The following BRCA2 variants were observed in gnomAD, a reference collection of about 807,000 sequenced individuals.
BRCA2 encodes the protein breast cancer type 2 susceptibility protein.
BRCA2 carries 203 observed loss-of-function variants against 276.7 expected under a neutral mutation model. The ratio of observed to expected loss-of-function variants is 0.73; its 90% CI spans 0.65 to 0.82. The LOEUF (loss-of-function observed/expected upper bound fraction) is 0.82. Among genes scored for constraint, BRCA2 ranks in the 40% least tolerant of loss-of-function variants. BRCA2 has a pLI of 0.00. For synonymous variants in BRCA2, 1,289 were observed against 1,338.4 expected (o/e 0.96, Z 0.81); for missense variants, 3,920 against 3,915.0 (o/e 1.00, Z -0.03).
Position 32,398,789 on chromosome 13 carries a change from A to G in BRCA2, c.*19A>G, listed in dbSNP as rs746238367. The G allele has an allele frequency of 1.9e-6, 3 of 1,612,536 alleles. No homozygotes were observed. The highest frequency in any genetic ancestry group is 2.5e-6 in the Non-Finnish European group (3 of 1,179,622). On this transcript the variant is annotated 3_prime_UTR_variant, in exon 27 of 27. Transcript: ENST00000380152. ...TATCTAAGCATTTGCAAAGGCGACA[A>G]TAAATTATTGACGCTTAACCTTTCC...
intron 18 of BRCA2, among the ~76,000 whole-genome samples, chr13:32,368,738 CATT>C (rs1191620281): frequency 2.6e-5 from 4 of 151,604 alleles, no homozygotes; most frequent in Admixed American, 6.6e-5. Context: ...TAGGGAGACT[CATT>C]GTCAGTGTAA....
chr13:32,339,596 C>T lies in BRCA2; in HGVS notation c.5241C>T (p.Asn1747=), dbSNP rs755404033. 1 of 1,610,898 alleles carries T rather than the reference C, an allele frequency of 6.2e-7. No individual in the cohort carries two copies. The highest frequency in any genetic ancestry group is 8.5e-7 in the Non-Finnish European group (1 of 1,177,956). Residue 1747 remains asparagine, a synonymous_variant, in exon 11 of 27, where the codon AAC becomes AAT. Transcript: ENST00000380152. ...DTYLSNSSMS[N]SYSYHSDEVY... is the part of the protein sequence containing the mutation. ...ATTTAAGTAACAGTAGCATGTCTAA[C>T]AGCTATTCCTACCATTCTGATGAGG...
intron 13 of BRCA2, among the ~76,000 whole-genome samples, chr13:32,348,657 T>C (rs1002327869): frequency 6.6e-6 from 1 of 152,130 alleles, no homozygotes; most frequent in Non-Finnish European, 1.5e-5. Context: ...TTGTGCGCTT[T>C]TCTCAGGAAA....
At chr13:32,376,824 G>GATGATTATTC in intron 21 of BRCA2, 33 bp downstream of exon 21, 1 of 1,612,096 alleles carries the variant, frequency 6.2e-7, no homozygotes, top group Non-Finnish European at 8.5e-7. Context: ...AATGAGGCTT[G>GATGATTATTC]ATGATTATTC....
rs730881605 is a variant in BRCA2 at position 32,337,420 on chromosome 13, ATAACAT to A, written c.3069_3074del (p.Asn1023_Ile1024del). 7 of 1,613,238 alleles carry A rather than the reference ATAACAT, an allele frequency of 4.3e-6. No individual in the cohort carries two copies. The African/African-American group carries it at 5.3e-5, about 12-fold the overall frequency. On this transcript the variant is annotated inframe_deletion, in exon 11 of 27. Transcript: ENST00000380152. ...AATAAGGAAATCAAGCTCTCTGAAC[ATAACAT>A]TAAGAAGAGCAAAATGTTCTTCAAA... is the stretch of plus-strand genomic sequence containing the variant.
intron 13 of BRCA2, 33 bp downstream of exon 13, chr13:32,346,929 T>TA (rs1293210824): frequency 5.9e-6 from 9 of 1,524,892 alleles, no homozygotes; most frequent in Non-Finnish European, 8.1e-6. Context: ...TAAATTCTAA[T>TA]ACAGTATGAG....
chr13:32,345,916 C>G (rs775054802), intron 12 of BRCA2, among the ~76,000 whole-genome samples: 26 of 151,972 alleles, frequency 1.7e-4, no homozygotes, highest in Non-Finnish European at 3.5e-4. Context: ...TAGGGATACT[C>G]AACCCATATA....
At chr13:32,331,677 A>G (rs1377126792) in intron 9 of BRCA2, among the ~76,000 whole-genome samples, 2 of 152,176 alleles carry the variant, frequency 1.3e-5, no homozygotes, top group African/African-American at 4.8e-5. Context: ...GAAAATTTTC[A>G]GAGACAATAA....
At chr13:32,377,459 A>T (rs9526148) in intron 21 of BRCA2, among the ~76,000 whole-genome samples, 30 of 151,936 alleles carry the variant, frequency 2.0e-4, no homozygotes, top group African/African-American at 7.0e-4. Flanking sequence ...GGCGTGGTGC[A>T]CATGCCTGTA....
At chr13:32,361,816 G>A (rs2072739321) in intron 16 of BRCA2, among the ~76,000 whole-genome samples, 1 of 152,054 alleles carries the variant, frequency 6.6e-6, no homozygotes, top group African/African-American at 2.4e-5. Flanking sequence ...GTATGAATGA[G>A]AAAGGAGGAG....
At chr13:32,371,877 T>TA (rs1352875063) in intron 20 of BRCA2, among the ~76,000 whole-genome samples, 1 of 152,070 alleles carries the variant, frequency 6.6e-6, no homozygotes, top group Non-Finnish European at 1.5e-5. Context: ...GCATTGTATC[T>TA]AAAAAAAACA....
intron 24 of BRCA2, among the ~76,000 whole-genome samples, chr13:32,389,179 C>T (rs764991630): frequency 2.0e-5 from 3 of 152,102 alleles, no homozygotes; most frequent in African/African-American, 4.8e-5. Flanking sequence ...ATTTTGCTTT[C>T]ATTTTGATTT....
At position 32,337,878 on chromosome 13, in the gene BRCA2, C is replaced by T. The variant is rs886040480; in HGVS notation, c.3523C>T (p.Gln1175Ter). Residue 1175 changes from glutamine to a stop codon, truncating the protein, a stop_gained, in exon 11 of 27, where the codon CAG becomes TAG. Transcript: ENST00000380152. LOFTEE classifies it high-confidence loss of function. ...HVIMNAPSIG[Q>*]VDSSKQFEGT... ...CATAATGAATGCCCCATCGATTGGT[C>T]AGGTAGACAGCAGCAAGCAATTTGA... 1 of 1,614,008 alleles carries T rather than the reference C, an allele frequency of 6.2e-7. No homozygotes were observed. The highest frequency in any genetic ancestry group is 8.5e-7 in the Non-Finnish European group (1 of 1,179,970).
chr13:32,339,980 G>T lies in BRCA2; in HGVS notation c.5625G>T (p.Lys1875Asn), dbSNP rs1316343192. The T allele has an allele frequency of 4.3e-6, 7 of 1,611,132 alleles. No homozygotes were observed. The highest frequency in any genetic ancestry group is 5.9e-6 in the Non-Finnish European group (7 of 1,179,096). ...IFTDSFSKVIKENNENKSKIC... is the reference protein window; with the variant it reads ...IFTDSFSKVINENNENKSKIC... ...CAGACAGTTTCAGTAAAGTAATTAA[G>T]GAAAACAACGAGAATAAATCAAAAA... Residue 1875 changes from lysine to asparagine, a missense_variant, in exon 11 of 27, where the codon AAG becomes AAT. Around this residue, in one of 2 missense-constraint regions of BRCA2, gnomAD observed 3,263 missense variants for 3,156.9 expected, o/e 1.03. Coordinates refer to ENST00000380152, the MANE Select transcript of BRCA2 (RefSeq NM_000059.4).
intron 2 of BRCA2, among the ~76,000 whole-genome samples, chr13:32,318,093 C>T (rs2138701455): frequency 6.6e-6 from 1 of 152,150 alleles, no homozygotes; most frequent in East Asian, 1.9e-4. Context: ...TTATTTTTAA[C>T]AAGGACACTC....
In BRCA2 at chr13:32,337,537, A is replaced by G. The variant is rs776099423; in HGVS notation, c.3182A>G (p.Lys1061Arg). The G allele has an allele frequency of 6.2e-7, 1 of 1,607,476 alleles. No individual in the cohort carries two copies. Among genetic ancestry groups the G allele is most frequent in the East Asian group, 2.2e-5 (1 of 44,794 alleles). ...LALDNQKKLS[K>R]PQSINTVSAH... ...TTAGATAATCAAAAGAAACTGAGCA[A>G]GCCTCAGTCAATTAATACTGTATCT... The change falls in exon 11 of 27, where the codon AAG becomes AGG. Residue 1061 changes from lysine (K) to arginine (R), a missense_variant. Coordinates refer to ENST00000380152, the MANE Select transcript of BRCA2 (RefSeq NM_000059.4).
chr13:32,388,280 G>A (rs539808486), intron 24 of BRCA2, among the ~76,000 whole-genome samples: 8 of 152,048 alleles, frequency 5.3e-5, no homozygotes, highest in South Asian at 2.1e-4. Flanking sequence ...CACCACACAC[G>A]GCTAATTTTT....
intron 9 of BRCA2, among the ~76,000 whole-genome samples, chr13:32,331,348 T>C (rs913925217): frequency 6.6e-6 from 1 of 152,222 alleles, no homozygotes; most frequent in Non-Finnish European, 1.5e-5. Context: ...TCCTCTTTTC[T>C]TAAAGAGAAA....
intron 20 of BRCA2, among the ~76,000 whole-genome samples, chr13:32,375,000 A>C (rs1210542127): frequency 6.6e-6 from 1 of 152,236 alleles, no homozygotes; most frequent in Non-Finnish European, 1.5e-5. Context: ...ACTTACAATC[A>C]TAGTGGAAGA....
Sources: gnomAD v4.1 joint callset for allele counts (sites outside exome capture counted in the v4.1 genomes callset) on GRCh38, gnomAD v4.1.1 for gene constraint, gnomAD v4.1.1 regional missense constraint, MANE v1.5 for transcripts, NCBI Gene and HGNC (gene_info 2026-07-23, HGNC 2026-07-21) for gene names.